The following OTOGL variants were observed in gnomAD, a reference collection of about 807,000 sequenced individuals.
OTOGL encodes the protein otogelin-like protein.
A neutral mutation model predicts 318.5 loss-of-function variants in OTOGL; 285 were observed. The ratio of observed to expected loss-of-function variants is 0.89; its 90% confidence interval spans 0.81 to 0.99. The LOEUF (loss-of-function observed/expected upper bound fraction) is 0.99. Among genes scored for constraint, OTOGL ranks in the 50% least tolerant of loss-of-function variants. OTOGL has a pLI of 0.00. For synonymous variants in OTOGL, 987 were observed against 936.5 expected (o/e 1.05, Z -0.99); for missense variants, 2,899 against 2,845.6 (o/e 1.02, Z -0.43).
intron 29 of OTOGL, 121 bp downstream of exon 29, chr12:80,305,816 G>T (rs1453924626): frequency 3.6e-6 from 3 of 830,466 alleles, no homozygotes; most frequent in Non-Finnish European, 5.0e-6. Context: ...GTAATTTATA[G>T]CTGATAAACA....
chr12:80,336,563 ATAAT>A lies in OTOGL; in HGVS notation c.4743+10_4743+13del. 1 of 1,601,410 alleles carries A rather than the reference ATAAT, an allele frequency of 6.2e-7. No homozygotes were observed. Among genetic ancestry groups the A allele is most frequent in the South Asian group, 1.1e-5 (1 of 89,302 alleles). On this transcript the variant is annotated intron_variant, in intron 40 of 58. Transcript: ENST00000547103. Reference sequence around the variant, plus strand: ...AAATGTTCCATGAATCAGGTGGGTCATAATTTATTTTTGCAGTCATTTCATCATA... The same window carrying A: ...AAATGTTCCATGAATCAGGTGGGTCATTATTTTTGCAGTCATTTCATCATA...
chr12:80,223,463 G>T (rs1013548063), intron 7 of OTOGL, among the ~76,000 whole-genome samples: 1 of 151,910 alleles, frequency 6.6e-6, no homozygotes, highest in Non-Finnish European at 1.5e-5. Context: ...GGATTGCTGG[G>T]TCAAATGGTA....
chr12:80,328,958 AT>A, intron 36 of OTOGL, 92 bp from the exon 37 acceptor site: 1 of 1,244,574 alleles, frequency 8.0e-7, no homozygotes, highest in Non-Finnish European at 1.1e-6. Flanking sequence ...TTCCCAAAAC[AT>A]TTTCCTTGAA....
rs552780850 is a variant in OTOGL, at chr12:80,228,457, A to C, written c.490-800A>C. On this transcript the variant is annotated intron_variant, in intron 7 of 58. Coordinates refer to ENST00000547103, the MANE Select transcript of OTOGL (RefSeq NM_001378609.3). ...GCTCTATCTCAAAAAACAAACAAAC[A>C]AACAAAAACAAACAAAAAAAACCCC... Among the ~76,000 whole-genome samples, 3 of 152,154 alleles carry C rather than the reference A, an allele frequency of 2.0e-5. No homozygotes were observed. The East Asian group carries it at 5.8e-4, about 29-fold the overall frequency.
At chr12:80,376,777 T>G (rs940464077) in intron 57 of OTOGL, among the ~76,000 whole-genome samples, 6 of 152,138 alleles carry the variant, frequency 3.9e-5, no homozygotes, top group Admixed American at 2.0e-4. Flanking sequence ...TATGGTTTAT[T>G]CCAAAAATTA....
At chr12:80,253,087 T>G (rs1216196470) in intron 13 of OTOGL, among the ~76,000 whole-genome samples, 1 of 152,194 alleles carries the variant, frequency 6.6e-6, no homozygotes, top group Non-Finnish European at 1.5e-5. Context: ...TAGCTCTTTA[T>G]GATTCTGTGT....
At chr12:80,114,474 A>G (rs1012365964) in intron 1 of OTOGL, among the ~76,000 whole-genome samples, 1 of 152,176 alleles carries the variant, frequency 6.6e-6, no homozygotes, top group African/African-American at 2.4e-5. Context: ...GTTTCTGCCA[A>G]GAGATCTGCA....
chr12:80,313,007 A>G (rs1886734577), intron 30 of OTOGL, among the ~76,000 whole-genome samples: 1 of 152,188 alleles, frequency 6.6e-6, no homozygotes, highest in African/African-American at 2.4e-5. Flanking sequence ...TGTAATGCAA[A>G]TAAATAAATT....
chr12:80,320,694 A>T lies in OTOGL; in HGVS notation c.4075A>T (p.Ile1359Leu). The T allele has an allele frequency of 6.3e-7, 1 of 1,597,302 alleles. No homozygotes were observed. Among genetic ancestry groups the T allele is most frequent in the Non-Finnish European group, 8.5e-7 (1 of 1,171,470 alleles). ...EEFKHSSSFS[I>L]EEIQAAVPYR... ...ATTTAAACATTCAAGTAGCTTCAGC[A>T]TAGAAGGTATGTTTCCTGAGATCTC... Residue 1359 changes from isoleucine to leucine, a missense_variant, in exon 34 of 59, where the codon ATA (isoleucine) becomes TTA (leucine). Physicochemically the swap from Ile to Leu is conservative, Grantham distance 5. Coordinates refer to ENST00000547103, the MANE Select transcript of OTOGL (RefSeq NM_001378609.3).
At chr12:80,167,342 G>C (rs927676983) in intron 1 of OTOGL, among the ~76,000 whole-genome samples, 1 of 152,036 alleles carries the variant, frequency 6.6e-6, no homozygotes, top group African/African-American at 2.4e-5. Context: ...TTTTGGTTTT[G>C]ATTTTTTAAA....
Position 80,145,599 on chromosome 12 carries a change from G to T in OTOGL, c.-20+45994G>T, listed in dbSNP as rs948293075. Among the ~76,000 whole-genome samples, 271 of 152,014 alleles carry T rather than the reference G, an allele frequency of 1.8e-3. 1 individual carries two copies. The highest frequency in any genetic ancestry group is 6.4e-3 in the African/African-American group (263 of 41,402). On this transcript the variant is annotated intron_variant, in intron 1 of 58. Transcript: ENST00000547103. Reference sequence around the variant, plus strand: ...GTTTTTTCCAATTCCGTGAAGAAAGGCATTGGTAGCTTGATGGGGATGGCA... The same window carrying T: ...GTTTTTTCCAATTCCGTGAAGAAAGTCATTGGTAGCTTGATGGGGATGGCA...
At chr12:80,345,899 G>C (rs1198473890) in intron 44 of OTOGL, among the ~76,000 whole-genome samples, 1 of 152,072 alleles carries the variant, frequency 6.6e-6, no homozygotes, top group Admixed American at 6.6e-5. Context: ...GCTGCATTCT[G>C]GTCATGATGA....
intron 1 of OTOGL, among the ~76,000 whole-genome samples, chr12:80,182,938 T>C (rs956699115): frequency 6.6e-6 from 1 of 152,246 alleles, no homozygotes; most frequent in African/African-American, 2.4e-5. Flanking sequence ...CCAAGGCTGC[T>C]GATAGCCCAT....
intron 1 of OTOGL, chr12:80,131,133 T>A (rs190400308): frequency 6.6e-6 from 1 of 152,304 alleles, no homozygotes; most frequent in African/African-American, 2.4e-5. Flanking sequence ...CAAGAAGAGC[T>A]TGGTAAGGAC....
chr12:80,132,308 T>G (rs972685608), intron 1 of OTOGL, among the ~76,000 whole-genome samples: 12 of 152,366 alleles, frequency 7.9e-5, no homozygotes, highest in African/African-American at 2.9e-4. Flanking sequence ...TTTTAATTTA[T>G]TTATCAGATG....
chr12:80,351,422 T>G (rs1274198801), intron 44 of OTOGL, among the ~76,000 whole-genome samples: 1 of 152,086 alleles, frequency 6.6e-6, no homozygotes, highest in African/African-American at 2.4e-5. Context: ...TTCAAGAGAT[T>G]CTCCTGCCTC....
chr12:80,304,994 T>G (rs575025615), intron 28 of OTOGL, among the ~76,000 whole-genome samples: 1 of 152,326 alleles, frequency 6.6e-6, no homozygotes, highest in East Asian at 1.9e-4. Flanking sequence ...AAATCATATC[T>G]GTTCAGACAG....
At chr12:80,247,078 C>A (rs1232989152) in intron 11 of OTOGL, among the ~76,000 whole-genome samples, 3 of 127,026 alleles carry the variant, frequency 2.4e-5, no homozygotes, top group Non-Finnish European at 4.8e-5. Flanking sequence ...GTCTTGCTAG[C>A]AGTCTATCAA....
rs369298832 is a variant in OTOGL, at chr12:80,313,539, G to A, written c.3514G>A (p.Asp1172Asn). ...TACATGTAACTGCAATCTTGGTGGC[G>A]ACTGTGAGTGTTTGTGCACTAGTAT... ...EDTCNCNLGGDCECLCTSIAA... is the reference protein window; with the variant it reads ...EDTCNCNLGGNCECLCTSIAA... The change falls in exon 31 of 59, where the codon GAC (aspartate) becomes AAC (asparagine). Residue 1172 changes from aspartate to asparagine, a missense_variant. Asp to Asn is a conservative substitution (Grantham distance 23, BLOSUM62 1). Around this residue, in one of 3 missense-constraint regions of OTOGL, gnomAD observed 2,607 missense variants for 2,524.9 expected, o/e 1.03. Transcript: ENST00000547103. 19 of 1,612,360 alleles carry A rather than the reference G, an allele frequency of 1.2e-5. No homozygotes were observed. Among genetic ancestry groups the A allele is most frequent in the East Asian group, 2.2e-5 (1 of 44,808 alleles).
Sources: allele counts gnomAD v4.1 joint callset (sites outside exome capture counted in the v4.1 genomes callset), GRCh38; gene constraint gnomAD v4.1.1; regional missense constraint gnomAD v4.1.1; transcripts MANE v1.5; gene names NCBI Gene and HGNC (gene_info 2026-07-23, HGNC 2026-07-21).